Variants in DDX19B observed in about 807,000 individuals in gnomAD.
The protein encoded by DDX19B is DEAD-box helicase 19B, also known as ATP-dependent RNA helicase DDX19B.
A neutral mutation model predicts 58.1 loss-of-function variants in DDX19B; 27 were observed. That is an observed-to-expected ratio of 0.46 (90% CI 0.34 to 0.64). DDX19B has a LOEUF of 0.64. DDX19B is among the 30% of genes least tolerant of loss of function. DDX19B has a pLI of 0.01. For missense variants in DDX19B, 399 were observed against 596.5 expected, an observed-to-expected ratio of 0.67 and a Z score of 3.45; for synonymous variants, 187 against 214.4, an observed-to-expected ratio of 0.87 and a Z score of 1.12.
upstream of DDX19B, among the ~76,000 whole-genome samples, chr16:70,294,435 T>C (rs1961146452): frequency 6.6e-6 from 1 of 152,188 alleles, no homozygotes; most frequent in Non-Finnish European, 1.5e-5. Context: ...TGAGAGATTA[T>C]ACTTGGAATA....
intron 10 of DDX19B, 80 bp downstream of exon 10, chr16:70,331,964 G>A: frequency 1.3e-6 from 2 of 1,566,328 alleles, no homozygotes; most frequent in Non-Finnish European, 1.7e-6. Context: ...CTTGTACACA[G>A]GGAAGTCGGA....
rs111589450 is a variant in DDX19B, at chr16:70,299,265, A to G, written c.-33A>G. 1.6e-5 allele frequency: 25 copies of G among 1,545,162 alleles called. No individual in the cohort carries two copies. The African/African-American group carries it at 2.3e-4, about 14-fold the overall frequency. On this transcript the variant is annotated 5_prime_UTR_variant, in exon 1 of 12. Coordinates refer to ENST00000288071, the MANE Select transcript of DDX19B (RefSeq NM_007242.7). ...ATCCCTCGTGCCATCCCTCGAATCC[A>G]CCAGCACGAGCGTCCCACCCGCGCC...
intron 1 of DDX19B, among the ~76,000 whole-genome samples, chr16:70,311,136 G>A (rs150290192): frequency 0.011 from 1,652 of 152,018 alleles, 24 homozygotes; most frequent in African/African-American, 0.038. Context: ...CACTTTGGGA[G>A]GCTGAGGCAG....
Position 70,333,171 on chromosome 16 carries a change from G to C in DDX19B, c.1378+12G>C. 1 of 1,360,584 alleles carries C rather than the reference G, an allele frequency of 7.3e-7. No homozygotes were observed. Among genetic ancestry groups the C allele is most frequent in the Non-Finnish European group, 1.0e-6 (1 of 997,682 alleles). 84.3% of individuals were successfully genotyped at this position (1,360,584 alleles called of 1,614,324 possible). ...CCAGGAGCATTTTAGTGAGTCCCGG[G>C]GAGGGTCCTGTGCCTGGCGCCCTTT... On this transcript the variant is annotated intron_variant, in intron 11 of 11. Transcript: ENST00000288071.
At chr16:70,327,241 AT>A (rs1053616186) in intron 7 of DDX19B, among the ~76,000 whole-genome samples, 4 of 150,876 alleles carry the variant, frequency 2.7e-5, no homozygotes, top group African/African-American at 9.7e-5. Flanking sequence ...TTTTCTAAAA[AT>A]TTTTTTTGTA....
At chr16:70,327,682 C>T (rs1963244100) in intron 7 of DDX19B, among the ~76,000 whole-genome samples, 1 of 151,964 alleles carries the variant, frequency 6.6e-6, no homozygotes, top group Admixed American at 6.6e-5. Flanking sequence ...CAGGTGTGAG[C>T]CACTAGGCCA....
At chr16:70,315,089 T>C in intron 3 of DDX19B, 134 bp downstream of exon 3, 2 of 914,942 alleles carry the variant, frequency 2.2e-6, no homozygotes, top group Middle Eastern at 3.8e-4. Flanking sequence ...AAAGGTTCAA[T>C]ATAGGGGCCG....
At chr16:70,323,008 TTC>T (rs1453294442) in intron 5 of DDX19B, among the ~76,000 whole-genome samples, 148 of 152,086 alleles carry the variant, frequency 9.7e-4, no homozygotes, top group African/African-American at 3.4e-3. Context: ...TTCATGTTTC[TTC>T]TGTTTGTTTG....
At chr16:70,331,296 C>G (rs748182925) in intron 9 of DDX19B, among the ~76,000 whole-genome samples, 16 of 152,076 alleles carry the variant, frequency 1.1e-4, no homozygotes, top group Non-Finnish European at 2.4e-4. Flanking sequence ...AATCTTCCAG[C>G]CTCAGCCTCC....
rs1478510799 is a variant in DDX19B, at chr16:70,332,351, A to C, written c.1186+467A>C. 2.6e-5 allele frequency among the ~76,000 whole-genome samples: 4 copies of C among 152,138 alleles called. No homozygotes were observed. In the East Asian group the frequency reaches 7.7e-4, roughly 29 times the overall value. ...AGTCTTGCTCAATGGCCCAGGCTGG[A>C]GTGCAGTGGCACAATCTCAGCTCAC... On this transcript the variant is annotated intron_variant, in intron 10 of 11. Transcript: ENST00000288071.
upstream of DDX19B, chr16:70,290,099 T>TATATAC (rs1210004851): frequency 1.9e-5 from 5 of 268,668 alleles, no homozygotes; most frequent in African/African-American, 6.6e-5. Flanking sequence ...TGAATATATA[T>TATATAC]ATATACATAT....
intron 5 of DDX19B, among the ~76,000 whole-genome samples, chr16:70,322,496 C>T (rs1331572450): frequency 6.7e-6 from 1 of 148,416 alleles, no homozygotes; most frequent in East Asian, 2.0e-4. Flanking sequence ...GCTGAGGCTC[C>T]GGAATTGCTT....
chr16:70,322,278 C>T (rs1962874866), intron 5 of DDX19B, among the ~76,000 whole-genome samples: 1 of 151,966 alleles, frequency 6.6e-6, no homozygotes, highest in Admixed American at 6.6e-5. Flanking sequence ...GATGTTTAAA[C>T]AGAAATAGAA....
At chr16:70,295,021 C>T, upstream of DDX19B, 2 of 1,360,316 alleles carry the variant, frequency 1.5e-6, no homozygotes, top group South Asian at 1.7e-5. Flanking sequence ...CTCGAGGCTT[C>T]GGCCCAAGGT....
At chr16:70,321,062 A>C (rs1377969791) in intron 5 of DDX19B, among the ~76,000 whole-genome samples, 1 of 149,306 alleles carries the variant, frequency 6.7e-6, no homozygotes, top group Admixed American at 6.8e-5. Context: ...TTCCAGGTTC[A>C]AGCGATTCTC....
intron 1 of DDX19B, among the ~76,000 whole-genome samples, chr16:70,308,204 C>A (rs1331425105): frequency 6.6e-6 from 1 of 151,890 alleles, no homozygotes; most frequent in East Asian, 1.9e-4. Flanking sequence ...CCACCTGCCT[C>A]GGCCTCCCAA....
At chr16:70,304,185 C>T (rs1013338960) in intron 1 of DDX19B, among the ~76,000 whole-genome samples, 3 of 151,568 alleles carry the variant, frequency 2.0e-5, no homozygotes, top group African/African-American at 7.3e-5. Context: ...GGATTACAGG[C>T]ACCCACCACT....
At chr16:70,294,509 AG>A (rs973835281), upstream of DDX19B, among the ~76,000 whole-genome samples, 3 of 152,204 alleles carry the variant, frequency 2.0e-5, no homozygotes, top group Admixed American at 2.0e-4. Flanking sequence ...ATTTTTAAAA[AG>A]TTTGACCCAC....
At chr16:70,317,776 A>C in intron 5 of DDX19B, 188 bp downstream of exon 5, 1 of 367,574 alleles carries the variant, frequency 2.7e-6, no homozygotes, top group South Asian at 3.8e-5. Flanking sequence ...TGTCTCAACA[A>C]AAAAAAAAAC....
Sources: allele counts gnomAD v4.1 joint callset (sites outside exome capture counted in the v4.1 genomes callset), GRCh38; gene constraint gnomAD v4.1.1; transcripts MANE v1.5; gene names NCBI Gene and HGNC (gene_info 2026-07-23, HGNC 2026-07-21).